UTS2: variants seen among roughly 807,000 people sequenced by gnomAD.
UTS2 encodes the protein urotensin-2.
Under a neutral mutation model 12.6 loss-of-function variants are expected in UTS2, and 10 were observed. That is an observed-to-expected ratio of 0.80 (90% CI 0.49 to 1.35). The LOEUF (loss-of-function observed/expected upper bound fraction) is 1.35. UTS2 is among the 40% of genes most tolerant of loss of function. The probability of loss-of-function intolerance (pLI) is 0.00; values close to 1 mark genes in which losing one functional copy is unlikely to be tolerated. For synonymous variants in UTS2, 52 were observed against 50.0 expected (o/e 1.04, Z -0.17); for missense variants, 142 against 143.2 (o/e 0.99, Z 0.04).
chr1:7,863,868 A>G, the UTS2 span, among the ~76,000 whole-genome samples: 1 of 152,192 alleles, frequency 6.6e-6, no homozygotes, highest in Non-Finnish European at 1.5e-5. Flanking sequence ...AGGGTCACTC[A>G]TGTGGCCCCA....
the UTS2 span, among the ~76,000 whole-genome samples, chr1:7,859,389 A>AGG: frequency 6.6e-6 from 1 of 152,024 alleles, no homozygotes; most frequent in Non-Finnish European, 1.5e-5. Flanking sequence ...ATAACCCCTG[A>AGG]GGGGGTCACA....
chr1:7,909,234 G>T, the UTS2 span, among the ~76,000 whole-genome samples: 1 of 152,150 alleles, frequency 6.6e-6, no homozygotes, highest in Non-Finnish European at 1.5e-5. Context: ...GCGTATCAGC[G>T]TAGCTTTTTG....
At chr1:7,849,340 G>A (rs780954879) in intron 3 of UTS2, among the ~76,000 whole-genome samples, 2 of 151,716 alleles carry the variant, frequency 1.3e-5, no homozygotes, top group Admixed American at 6.6e-5. Context: ...TCAGTCTCCC[G>A]AGTAGCTGGG....
chr1:7,878,699 GA>G, the UTS2 span, among the ~76,000 whole-genome samples: 2 of 148,320 alleles, frequency 1.3e-5, no homozygotes, highest in South Asian at 2.1e-4. Context: ...CCCCACCTTT[GA>G]AAAAAAAATG....
the UTS2 span, among the ~76,000 whole-genome samples, chr1:7,863,525 CG>C: frequency 6.6e-6 from 1 of 152,124 alleles, no homozygotes; most frequent in Non-Finnish European, 1.5e-5. Flanking sequence ...CTATGTGTAT[CG>C]GGGTTACTAT....
chr1:7,851,851 A>G (rs886303084), intron 1 of UTS2, among the ~76,000 whole-genome samples: 4 of 152,246 alleles, frequency 2.6e-5, no homozygotes, highest in African/African-American at 4.8e-5. Context: ...GTGAGATGCT[A>G]CACTCATTTC....
chr1:7,859,907 G>A, the UTS2 span, among the ~76,000 whole-genome samples: 1 of 152,148 alleles, frequency 6.6e-6, no homozygotes, highest in Non-Finnish European at 1.5e-5. Context: ...GCTGAGGAGA[G>A]AGGATGGCCT....
chr1:7,874,934 C>T, the UTS2 span, among the ~76,000 whole-genome samples: 1 of 152,168 alleles, frequency 6.6e-6, no homozygotes, highest in African/African-American at 2.4e-5. Context: ...TCCTTGCTTC[C>T]CCTTTGCCTT....
chr1:7,890,755 G>T, the UTS2 span, among the ~76,000 whole-genome samples: 2 of 147,236 alleles, frequency 1.4e-5, no homozygotes, highest in East Asian at 4.0e-4. Context: ...AATGAACCAG[G>T]CATGGTGGCA....
the UTS2 span, among the ~76,000 whole-genome samples, chr1:7,903,306 CCTTCCCCTCCTTCTCCTG>C: frequency 0.01 from 298 of 29,492 alleles, 2 homozygotes; most frequent in Non-Finnish European, 0.012. Flanking sequence ...TGCTTCCCCT[CCTTCCCCTCCTTCTCCTG>C]CTTCCCCTCC....
the UTS2 span, among the ~76,000 whole-genome samples, chr1:7,877,924 A>G: frequency 6.6e-6 from 1 of 152,196 alleles, no homozygotes; most frequent in African/African-American, 2.4e-5. Flanking sequence ...AAGACATATA[A>G]GCATCCAGAT....
At chr1:7,850,707 C>A in intron 2 of UTS2, 105 bp downstream of exon 2, 1 of 1,166,638 alleles carries the variant, frequency 8.6e-7, no homozygotes, top group Non-Finnish European at 1.3e-6. Context: ...TTATATAGCT[C>A]ATCTTTATAT....
Position 7,852,998 on chromosome 1 carries a change from A to G in UTS2, c.6T>C (p.Tyr2=). The G allele has an allele frequency of 6.2e-7, 1 of 1,612,092 alleles. No individual in the cohort carries two copies. The highest frequency in any genetic ancestry group is 1.7e-5 in the Admixed American group (1 of 59,610). The change falls in exon 1 of 4, where the codon TAT becomes TAC. Residue 2 remains tyrosine, a synonymous_variant. Transcript: ENST00000361696. The stretch of plus-strand genomic sequence containing the variant: ...AAAGCAAACAGCAGGAGGCCAGCTT[A>G]TACATGATCGCCACAAGATAGACGG... M[Y]KLASCCLLFI... is the part of the protein sequence containing the mutation.
At chr1:7,911,065 A>G in the UTS2 span, among the ~76,000 whole-genome samples, 2 of 152,064 alleles carry the variant, frequency 1.3e-5, no homozygotes, top group Non-Finnish European at 2.9e-5. Flanking sequence ...GCCCAGGCTC[A>G]TTTCAACTTC....
At chr1:7,898,907 C>G in the UTS2 span, among the ~76,000 whole-genome samples, 213 of 152,200 alleles carry the variant, frequency 1.4e-3, no homozygotes, top group African/African-American at 4.9e-3. Flanking sequence ...CATTCTCACA[C>G]TGCTATAAAG....
chr1:7,850,334 A>C (rs1197468809), intron 2 of UTS2, among the ~76,000 whole-genome samples: 2 of 152,052 alleles, frequency 1.3e-5, no homozygotes, highest in Non-Finnish European at 2.9e-5. Flanking sequence ...GAATGTGGCC[A>C]CGGGGGAATA....
At chr1:7,867,888 A>G in the UTS2 span, among the ~76,000 whole-genome samples, 2 of 152,118 alleles carry the variant, frequency 1.3e-5, no homozygotes, top group African/African-American at 2.4e-5. Flanking sequence ...AAATAAATAA[A>G]TAAATAAATA....
At chr1:7,866,611 G>C in the UTS2 span, among the ~76,000 whole-genome samples, 1 of 152,108 alleles carries the variant, frequency 6.6e-6, no homozygotes, top group South Asian at 2.1e-4. This position sits in a 1 kb window ranked among gnomAD's most constrained non-coding sequence, Gnocchi z 4.5. Context: ...CGCAGCCAAG[G>C]GCTCCACTCA....
At chr1:7,853,782 G>A (rs183597714), upstream of UTS2, among the ~76,000 whole-genome samples, 1 of 152,240 alleles carries the variant, frequency 6.6e-6, no homozygotes, top group African/African-American at 2.4e-5. Context: ...GCTGGTCCAA[G>A]CCCGGATGGG....
Sources: allele counts gnomAD v4.1 joint callset (sites outside exome capture counted in the v4.1 genomes callset), GRCh38; gene constraint gnomAD v4.1.1; non-coding constraint Gnocchi (gnomAD v3.1); transcripts MANE v1.5; gene names NCBI Gene and HGNC (gene_info 2026-07-23, HGNC 2026-07-21).